Variants in DACH2 observed in about 807,000 individuals in gnomAD.
DACH2 encodes the protein dachshund family transcription factor 2, also known as dachshund homolog 2.
DACH2 carries 17 observed loss-of-function variants against 35.8 expected under a neutral mutation model. The ratio of observed to expected loss-of-function variants is 0.48; its 90% CI spans 0.33 to 0.71. The LOEUF (loss-of-function observed/expected upper bound fraction) is 0.71, where lower values mean the gene tolerates loss of function less well. Among genes scored for constraint, DACH2 ranks in the 30% least tolerant of loss-of-function variants. The probability of loss-of-function intolerance (pLI) is 0.02; values close to 1 mark genes in which losing one functional copy is unlikely to be tolerated. For missense variants in DACH2, 469 were observed against 472.7 expected (o/e 0.99, Z 0.07); for synonymous variants, 195 against 177.3 (o/e 1.10, Z -0.79).
chrX:86,246,199 A>G (rs1031754712), intron 1 of DACH2, among the ~76,000 whole-genome samples: 1 of 111,895 alleles, frequency 8.9e-6, no homozygotes, highest in African/African-American at 3.2e-5. Context: ...GAACATTGGC[A>G]TCCCTGAAAG....
chrX:86,169,981 G>C (rs1602250899), intron 1 of DACH2, among the ~76,000 whole-genome samples: 1 of 110,907 alleles, frequency 9.0e-6, no homozygotes, highest in African/African-American at 3.3e-5. Context: ...TCCATCCCAA[G>C]AAGGATGGCT....
At chrX:86,337,232 CAA>C (rs1221353199) in intron 1 of DACH2, among the ~76,000 whole-genome samples, 1 of 111,089 alleles carries the variant, frequency 9.0e-6, no homozygotes, top group Non-Finnish European at 1.9e-5. Flanking sequence ...GAGAATGCCA[CAA>C]AGATACTCCT....
Position 86,378,531 on chromosome X carries a change from G to A in DACH2, c.527+1669G>A, listed in dbSNP as rs193252298. Among the ~76,000 whole-genome samples the A allele has an allele frequency of 4.1e-4, 45 of 110,833 alleles. 2 individuals are homozygous for A. In the East Asian group the frequency reaches 0.012, roughly 30 times the overall value. ...GGGAATGCAGGCTCAGTATTGTTAA[G>A]ATCTGACTTTTTAAAAGAAGCTGGG... On this transcript the variant is annotated intron_variant, in intron 2 of 11. Coordinates refer to ENST00000373125, the MANE Select transcript of DACH2 (RefSeq NM_053281.3).
At chrX:86,270,717 G>T (rs2033800754) in intron 1 of DACH2, among the ~76,000 whole-genome samples, 1 of 111,365 alleles carries the variant, frequency 9.0e-6, no homozygotes, top group South Asian at 3.8e-4. Flanking sequence ...AATTGCTCTT[G>T]CCAAATACAT....
At chrX:86,739,576 A>G (rs775610391) in intron 6 of DACH2, among the ~76,000 whole-genome samples, 171 bp from the exon 7 acceptor site, 3 of 112,193 alleles carry the variant, frequency 2.7e-5, no homozygotes, top group Non-Finnish European at 5.6e-5. Flanking sequence ...TATTAATTTC[A>G]CAAGAATCAA....
At chrX:86,725,117 G>A (rs1185452397) in intron 6 of DACH2, among the ~76,000 whole-genome samples, 1 of 108,466 alleles carries the variant, frequency 9.2e-6, no homozygotes, top group Admixed American at 1.0e-4. Flanking sequence ...TTTGTTTTCA[G>A]ATTTCTCTTT....
intron 1 of DACH2, among the ~76,000 whole-genome samples, chrX:86,365,821 T>G (rs2035798908): frequency 9.0e-6 from 1 of 111,441 alleles, no homozygotes; most frequent in Non-Finnish European, 1.9e-5. Flanking sequence ...TTCCTTTCAA[T>G]AATTGAAGCC....
chrX:86,533,095 G>C (rs2038747642), intron 3 of DACH2, among the ~76,000 whole-genome samples: 1 of 107,995 alleles, frequency 9.3e-6, no homozygotes, highest in South Asian at 4.0e-4. Flanking sequence ...TGTTGCCCAG[G>C]CTGCAGGGCA....
intron 2 of DACH2, among the ~76,000 whole-genome samples, chrX:86,382,691 A>G (rs978326359): frequency 5.4e-5 from 6 of 110,938 alleles, no homozygotes; most frequent in African/African-American, 2.0e-4. Flanking sequence ...CTTTCTTTCT[A>G]TAAGTAGTCC....
At chrX:86,533,145 A>G (rs867408086) in intron 3 of DACH2, among the ~76,000 whole-genome samples, 1 of 110,612 alleles carries the variant, frequency 9.0e-6, no homozygotes, top group Non-Finnish European at 1.9e-5. Flanking sequence ...GAACTCCTAG[A>G]CTCAAGTGAC....
chrX:86,710,359 G>A (rs192314339), intron 5 of DACH2, among the ~76,000 whole-genome samples: 1 of 111,833 alleles, frequency 8.9e-6, no homozygotes, highest in African/African-American at 3.2e-5. Flanking sequence ...AGAGGATGGG[G>A]AGAGGGATAA....
chrX:86,308,520 C>T (rs754559679), intron 1 of DACH2, among the ~76,000 whole-genome samples: 2 of 112,161 alleles, frequency 1.8e-5, no homozygotes, highest in African/African-American at 6.5e-5. Flanking sequence ...GTCGAATGGA[C>T]AAAATACTAA....
chrX:86,561,755 T>A (rs1380916116), intron 3 of DACH2, among the ~76,000 whole-genome samples: 2 of 42,287 alleles, frequency 4.7e-5, no homozygotes, highest in Non-Finnish European at 8.0e-5. Context: ...TGTGGTGGGG[T>A]CGGGGGAGGG....
At chrX:86,316,309 C>T (rs770678571) in intron 1 of DACH2, among the ~76,000 whole-genome samples, 36 of 109,908 alleles carry the variant, frequency 3.3e-4, no homozygotes, top group African/African-American at 8.9e-4. Context: ...CTTATTAAGG[C>T]GCACTGTTTT....
intron 1 of DACH2, among the ~76,000 whole-genome samples, chrX:86,284,764 G>T (rs184727189): frequency 1.3e-3 from 149 of 110,697 alleles, no homozygotes; most frequent in African/African-American, 4.6e-3. Context: ...GTTCAGCTTC[G>T]ATCTCATTTC....
intron 2 of DACH2, among the ~76,000 whole-genome samples, chrX:86,457,305 A>G (rs2037493182): frequency 8.9e-6 from 1 of 112,017 alleles, no homozygotes; most frequent in African/African-American, 3.2e-5. Context: ...AGAGTGTTAC[A>G]TAACCTATTA....
chrX:86,778,135 T>C (rs770841726), intron 7 of DACH2, among the ~76,000 whole-genome samples: 1 of 111,586 alleles, frequency 9.0e-6, no homozygotes, highest in African/African-American at 3.3e-5. Context: ...ACTGATTTCA[T>C]TTCCTTTGCA....
At chrX:86,801,131 G>A (rs2042289493) in intron 7 of DACH2, among the ~76,000 whole-genome samples, 1 of 111,249 alleles carries the variant, frequency 9.0e-6, no homozygotes, top group Non-Finnish European at 1.9e-5. Context: ...GTTTATAACA[G>A]TATTGAAATT....
chrX:86,758,075 A>G (rs1215502042), intron 7 of DACH2, among the ~76,000 whole-genome samples: 1 of 111,698 alleles, frequency 9.0e-6, no homozygotes, highest in Non-Finnish European at 1.9e-5. Context: ...CTCTGATAAT[A>G]TTTTATATTT....
Sources: allele counts gnomAD v4.1 joint callset (sites outside exome capture counted in the v4.1 genomes callset), GRCh38; gene constraint gnomAD v4.1.1; transcripts MANE v1.5; gene names NCBI Gene and HGNC (gene_info 2026-07-23, HGNC 2026-07-21).